The following PCDHA6 variants were observed in gnomAD, a reference collection of about 807,000 sequenced individuals.
The protein encoded by PCDHA6 is protocadherin alpha-6.
Under a neutral mutation model 60.3 loss-of-function variants are expected in PCDHA6, and 55 were observed. The ratio of observed to expected loss-of-function variants is 0.91; its 90% confidence interval spans 0.73 to 1.14. The LOEUF (loss-of-function observed/expected upper bound fraction) is 1.14, where lower values mean the gene tolerates loss of function less well. PCDHA6 is among the 50% of genes most tolerant of loss of function. PCDHA6 has a pLI of 0.00. For synonymous variants in PCDHA6, 652 were observed against 557.9 expected, an observed-to-expected ratio of 1.17 and a Z score of -2.38; for missense variants, 1,327 against 1,256.5, an observed-to-expected ratio of 1.06 and a Z score of -0.85.
At chr5:140,848,964 G>C in intron 1 of PCDHA6, 1 of 1,606,312 alleles carries the variant, frequency 6.2e-7, no homozygotes, top group Non-Finnish European at 8.5e-7. Flanking sequence ...ACTAGAGGGC[G>C]CGTCCGATGC....
chr5:140,871,193 T>G (rs782048235), intron 1 of PCDHA6: 2 of 1,613,630 alleles, frequency 1.2e-6, no homozygotes, highest in African/African-American at 1.3e-5. Flanking sequence ...GATGTCAACG[T>G]GTACCTGATC....
Position 140,843,176 on chromosome 5 carries a change from C to A in PCDHA6, c.2394+12691C>A, listed in dbSNP as rs145175505. 1.9e-6 allele frequency: 3 copies of A among 1,596,084 alleles called. 1 individual carries two copies. The highest frequency in any genetic ancestry group is 2.6e-6 in the Non-Finnish European group (3 of 1,165,610). On this transcript the variant is annotated intron_variant, in intron 1 of 3. Transcript: ENST00000529310. ...GCTGCAGCCAGCTGCAAGCAGCCCT[C>A]GCATCCCGTTCCGCGTGGGGCTGTA...
chr5:140,984,516 TCA>T (rs1422083367), intron 3 of PCDHA6, among the ~76,000 whole-genome samples: 2 of 152,130 alleles, frequency 1.3e-5, no homozygotes, highest in Non-Finnish European at 2.9e-5. Context: ...GATGCATGAG[TCA>T]CAGTCTTCAT....
At chr5:140,865,903 A>G (rs2049042220) in intron 1 of PCDHA6, 1 of 152,134 alleles carries the variant, frequency 6.6e-6, no homozygotes, top group Non-Finnish European at 1.5e-5. Flanking sequence ...GTACAGGCAA[A>G]TCTTTCTTTC....
intron 1 of PCDHA6, among the ~76,000 whole-genome samples, chr5:140,945,918 C>T (rs782600130): frequency 1.2e-4 from 18 of 152,106 alleles, no homozygotes; most frequent in Admixed American, 2.6e-4. Context: ...ATCAATAACA[C>T]TGATCTGAGC....
chr5:140,980,819 A>C (rs1178317133), intron 2 of PCDHA6, among the ~76,000 whole-genome samples: 1 of 152,216 alleles, frequency 6.6e-6, no homozygotes, highest in East Asian at 1.9e-4. Context: ...TGAACATATT[A>C]AATGAGTTGT....
At chr5:140,902,669 T>C (rs767769713) in intron 1 of PCDHA6, among the ~76,000 whole-genome samples, 1 of 152,166 alleles carries the variant, frequency 6.6e-6, no homozygotes, top group Non-Finnish European at 1.5e-5. Flanking sequence ...ACCCAAGCAG[T>C]GTACACCGTA....
chr5:140,974,618 T>C (rs781783540), intron 1 of PCDHA6, among the ~76,000 whole-genome samples: 1 of 152,086 alleles, frequency 6.6e-6, no homozygotes, highest in Non-Finnish European at 1.5e-5. Context: ...TTCAAGCGAT[T>C]CTCCTGCCTC....
At chr5:140,835,666 G>A in intron 1 of PCDHA6, 3 of 1,613,936 alleles carry the variant, frequency 1.9e-6, no homozygotes, top group Middle Eastern at 3.3e-4. Flanking sequence ...GTTACCGCGC[G>A]GGACGGGGGC....
At chr5:140,848,167 C>G (rs1554142004) in intron 1 of PCDHA6, 1 of 254,352 alleles carries the variant, frequency 3.9e-6, no homozygotes, top group African/African-American at 2.2e-5. Flanking sequence ...TAAGAAGGCT[C>G]CAGCAAGAGA....
intron 1 of PCDHA6, among the ~76,000 whole-genome samples, chr5:140,902,930 A>G (rs1252677303): frequency 1.3e-5 from 2 of 152,190 alleles, no homozygotes; most frequent in Non-Finnish European, 2.9e-5. Context: ...CATGGTGTAT[A>G]TATACCACAT....
intron 1 of PCDHA6, among the ~76,000 whole-genome samples, chr5:140,961,280 C>G (rs246003): frequency 0.56 from 85,679 of 152,048 alleles, 24,751 homozygotes; most frequent in African/African-American, 0.69. Flanking sequence ...TACCATGGCT[C>G]TGTTTCTTGA....
chr5:140,899,407 T>C (rs1183210224), intron 1 of PCDHA6, among the ~76,000 whole-genome samples: 2 of 152,226 alleles, frequency 1.3e-5, no homozygotes, highest in Non-Finnish European at 2.9e-5. Context: ...TGAAGGGTTG[T>C]TGAATTTTGT....
chr5:140,856,296 T>G, intron 1 of PCDHA6: 1 of 1,598,576 alleles, frequency 6.3e-7, no homozygotes, highest in Non-Finnish European at 8.6e-7. Flanking sequence ...AATGGCATTT[T>G]GTTTGTGAAT....
At chr5:140,912,690 A>AG (rs2076029112) in intron 1 of PCDHA6, among the ~76,000 whole-genome samples, 1 of 152,192 alleles carries the variant, frequency 6.6e-6, no homozygotes, top group African/African-American at 2.4e-5. Flanking sequence ...TCCAGGTCTC[A>AG]GGGGGAATGC....
At chr5:140,849,620 C>T in intron 1 of PCDHA6, 2 of 1,598,618 alleles carry the variant, frequency 1.3e-6, no homozygotes, top group Non-Finnish European at 1.7e-6. Flanking sequence ...TTAGTGTGAT[C>T]GACCTAGACG....
In PCDHA6 at chr5:140,836,093, G is replaced by T. The variant is rs1554135604; in HGVS notation, c.2394+5608G>T. ...CGCCGGCACTGCTGGCGCCTCGGGTGGGTGGCACTGGTGGCGCAGTGAGAG... is the reference window on the plus strand; with the variant it reads ...CGCCGGCACTGCTGGCGCCTCGGGTTGGTGGCACTGGTGGCGCAGTGAGAG... On this transcript the variant is annotated intron_variant, in intron 1 of 3. Coordinates refer to ENST00000529310, the MANE Select transcript of PCDHA6 (RefSeq NM_018909.4). 1.9e-6 allele frequency: 3 copies of T among 1,613,720 alleles called. No homozygotes were observed. The South Asian group carries it at 3.3e-5, about 18-fold the overall frequency.
At chr5:140,928,034 G>A in intron 1 of PCDHA6, 1 of 1,614,206 alleles carries the variant, frequency 6.2e-7, no homozygotes, top group South Asian at 1.1e-5. Flanking sequence ...GGCATGTCTA[G>A]TGCAGGCCCT....
chr5:140,947,685 G>T (rs553954790), intron 1 of PCDHA6, among the ~76,000 whole-genome samples: 1 of 151,508 alleles, frequency 6.6e-6, no homozygotes, highest in South Asian at 2.1e-4. Flanking sequence ...AATTGTCTCA[G>T]CATGTTCTGT....
Sources: allele counts gnomAD v4.1 joint callset (sites outside exome capture counted in the v4.1 genomes callset), GRCh38; gene constraint gnomAD v4.1.1; transcripts MANE v1.5; gene names NCBI Gene and HGNC (gene_info 2026-07-23, HGNC 2026-07-21).